Variants in TMEM135 observed in about 807,000 individuals in gnomAD.
TMEM135 encodes the protein peroxisomal membrane protein 52.
TMEM135 carries 30 observed loss-of-function variants against 60.3 expected under a neutral mutation model. The ratio of observed to expected loss-of-function variants is 0.50; its 90% CI spans 0.37 to 0.68. TMEM135 has a LOEUF of 0.68. Ranked by LOEUF, TMEM135 falls within the 30% of genes least tolerant of loss-of-function variation. TMEM135 has a pLI of 0.00. For missense variants in TMEM135, 468 were observed against 548.8 expected, an observed-to-expected ratio of 0.85 and a Z score of 1.47; for synonymous variants, 190 against 186.7, an observed-to-expected ratio of 1.02 and a Z score of -0.14.
At position 87,276,605 on chromosome 11, in the gene TMEM135, T is replaced by C. The variant is rs1404309648; in HGVS notation, c.510-19177T>C. On this transcript the variant is annotated intron_variant, in intron 6 of 14. Transcript: ENST00000305494. ...ATTCACTGGGAGAGATTTCATTGAATGTAACGCATAGAATTTTATATTCAT... is the reference window on the plus strand; with the variant it reads ...ATTCACTGGGAGAGATTTCATTGAACGTAACGCATAGAATTTTATATTCAT... Among the ~76,000 whole-genome samples, 4 of 151,724 alleles carry C rather than the reference T, an allele frequency of 2.6e-5. 1 individual carries two copies. The East Asian group carries it at 7.7e-4, about 29-fold the overall frequency.
intron 6 of TMEM135, among the ~76,000 whole-genome samples, chr11:87,245,157 G>A (rs865983718): frequency 1.3e-5 from 2 of 148,186 alleles, no homozygotes; most frequent in East Asian, 3.9e-4. Context: ...GTAGTTGAGC[G>A]GTTTTGAGTG....
At chr11:87,298,023 A>G (rs1415560694) in intron 7 of TMEM135, among the ~76,000 whole-genome samples, 2 of 152,220 alleles carry the variant, frequency 1.3e-5, no homozygotes, top group East Asian at 1.9e-4. Context: ...ATTGTAAAAA[A>G]ATAATGTGAG....
chr11:87,256,869 C>G (rs1471586861), intron 6 of TMEM135, among the ~76,000 whole-genome samples: 1 of 152,042 alleles, frequency 6.6e-6, no homozygotes, highest in Non-Finnish European at 1.5e-5. Flanking sequence ...TCCTTTGCCC[C>G]TTTCTTTCCT....
At chr11:87,109,389 A>T (rs892505623) in intron 4 of TMEM135, among the ~76,000 whole-genome samples, 4 of 152,222 alleles carry the variant, frequency 2.6e-5, no homozygotes, top group Non-Finnish European at 5.9e-5. Flanking sequence ...ACAATAAAAT[A>T]GAACAATTAT....
At chr11:87,140,145 G>T (rs1221161438) in intron 4 of TMEM135, among the ~76,000 whole-genome samples, 1 of 151,858 alleles carries the variant, frequency 6.6e-6, no homozygotes, top group Non-Finnish European at 1.5e-5. Flanking sequence ...TCAGCTCATT[G>T]CAACCTCTAC....
Position 87,326,497 on chromosome 11 carries a change from C to T in TMEM135, c.*5164C>T, listed in dbSNP as rs754252924. The T allele has an allele frequency of 3.7e-5, 17 of 453,910 alleles. No individual in the cohort carries two copies. The highest frequency in any genetic ancestry group is 5.7e-5 in the Non-Finnish European group (13 of 226,774). The allele number at this position is 453,910 out of a possible 1,614,324, so 28.1% of individuals were successfully genotyped here. On this transcript the variant is annotated 3_prime_UTR_variant, in exon 15 of 15. Coordinates refer to ENST00000305494, the MANE Select transcript of TMEM135 (RefSeq NM_022918.4). ...CTAAGAGGACCCTGAAGCTATAGTGCCAAAGGTTTAAAGCATGAAGTACAT... is the reference window on the plus strand; with the variant it reads ...CTAAGAGGACCCTGAAGCTATAGTGTCAAAGGTTTAAAGCATGAAGTACAT...
At chr11:87,119,675 T>A (rs1190802048) in intron 4 of TMEM135, among the ~76,000 whole-genome samples, 1 of 152,214 alleles carries the variant, frequency 6.6e-6, no homozygotes, top group Non-Finnish European at 1.5e-5. Flanking sequence ...CACTCCAGCC[T>A]GGGTGATAGA....
chr11:87,102,926 C>T (rs1857496811), intron 4 of TMEM135, among the ~76,000 whole-genome samples: 1 of 151,956 alleles, frequency 6.6e-6, no homozygotes, highest in Admixed American at 6.6e-5. Flanking sequence ...TGAAACTTAT[C>T]ATCACAACCC....
Position 87,326,256 on chromosome 11 carries a change from G to T in TMEM135, c.*4923G>T. 2.2e-6 allele frequency: 1 copy of T among 453,994 alleles called. No homozygotes were observed. The highest frequency in any genetic ancestry group is 4.4e-6 in the Non-Finnish European group (1 of 226,788). The allele number at this position is 453,994 out of a possible 1,614,324, so 28.1% of individuals were successfully genotyped here. On this transcript the variant is annotated 3_prime_UTR_variant, in exon 15 of 15. Coordinates refer to ENST00000305494, the MANE Select transcript of TMEM135 (RefSeq NM_022918.4). The stretch of plus-strand genomic sequence containing the variant: ...CAACATGCTTTATCTGCCTTGCTTA[G>T]ACTCAGCATCCCTTTCTGTCTTGAG...
intron 5 of TMEM135, among the ~76,000 whole-genome samples, chr11:87,167,688 T>C (rs922495656): frequency 6.6e-6 from 1 of 152,158 alleles, no homozygotes; most frequent in Non-Finnish European, 1.5e-5. Context: ...AGCTTTTTGA[T>C]GTGGTGCTGG....
At chr11:87,154,104 A>T (rs1200284784) in intron 4 of TMEM135, among the ~76,000 whole-genome samples, 2 of 152,166 alleles carry the variant, frequency 1.3e-5, no homozygotes, top group Non-Finnish European at 2.9e-5. Context: ...CATTAAACTG[A>T]AACTCTATGT....
rs1164968585 is a variant in TMEM135 at position 87,258,390 on chromosome 11, T to C, written c.509+21706T>C. Among the ~76,000 whole-genome samples the C allele has an allele frequency of 3.9e-5, 6 of 152,270 alleles. No individual in the cohort carries two copies. The East Asian group carries it at 7.7e-4, about 20-fold the overall frequency. On this transcript the variant is annotated intron_variant, in intron 6 of 14. Coordinates refer to ENST00000305494, the MANE Select transcript of TMEM135 (RefSeq NM_022918.4). ...CTTTCCTCTTATACATAGGGATTCATAGTGGCCACATTACACCACAGTTGT... is the reference window on the plus strand; with the variant it reads ...CTTTCCTCTTATACATAGGGATTCACAGTGGCCACATTACACCACAGTTGT...
intron 6 of TMEM135, among the ~76,000 whole-genome samples, chr11:87,272,455 GT>G (rs1004680316): frequency 6.4e-4 from 96 of 151,040 alleles, no homozygotes; most frequent in African/African-American, 2.2e-3. Flanking sequence ...TCTTAAAAAA[GT>G]TTTTTTTTAA....
At chr11:87,053,213 T>G (rs1049881056) in intron 1 of TMEM135, among the ~76,000 whole-genome samples, 3 of 151,512 alleles carry the variant, frequency 2.0e-5, no homozygotes, top group African/African-American at 7.3e-5. Context: ...AAAAGTGTAT[T>G]TTTATGGAAT....
chr11:87,194,739 C>CTCT (rs1555116505), intron 5 of TMEM135, among the ~76,000 whole-genome samples: 16 of 151,992 alleles, frequency 1.1e-4, no homozygotes, highest in Admixed American at 9.2e-4. Flanking sequence ...TCAGTAGTTG[C>CTCT]TGTAAGTATG....
chr11:87,241,636 A>G (rs547521117), intron 6 of TMEM135, among the ~76,000 whole-genome samples: 55 of 152,112 alleles, frequency 3.6e-4, no homozygotes, highest in African/African-American at 1.3e-3. Flanking sequence ...CTCATTAACA[A>G]ACTCCACTAC....
chr11:87,290,548 A>C (rs1023236586), intron 6 of TMEM135, among the ~76,000 whole-genome samples: 1 of 152,162 alleles, frequency 6.6e-6, no homozygotes, highest in African/African-American at 2.4e-5. Flanking sequence ...ATTTCATAGA[A>C]AATATCTTTG....
chr11:87,223,808 C>A (rs553094836), intron 5 of TMEM135, among the ~76,000 whole-genome samples: 2 of 151,720 alleles, frequency 1.3e-5, no homozygotes, highest in African/African-American at 4.8e-5. Flanking sequence ...CGAGATCACA[C>A]CACTGCACTC....
At chr11:87,146,161 A>G (rs1938409270) in intron 4 of TMEM135, among the ~76,000 whole-genome samples, 2 of 152,202 alleles carry the variant, frequency 1.3e-5, no homozygotes, top group East Asian at 1.9e-4. Flanking sequence ...TCCAGTTTTG[A>G]CAGCACTATT....
Sources: allele counts gnomAD v4.1 joint callset (sites outside exome capture counted in the v4.1 genomes callset), GRCh38; gene constraint gnomAD v4.1.1; transcripts MANE v1.5; gene names NCBI Gene and HGNC (gene_info 2026-07-23, HGNC 2026-07-21).